RAMP1: variants seen among roughly 807,000 people sequenced by gnomAD.
The protein encoded by RAMP1 is receptor activity modifying protein 1.
RAMP1 carries 7 observed loss-of-function variants against 8.2 expected under a neutral mutation model. That is an observed-to-expected ratio of 0.85 (90% CI 0.49 to 1.60). The LOEUF is 1.60. Ranked by LOEUF, RAMP1 falls within the 40% of genes most tolerant of loss-of-function variation. The pLI is 0.00. For missense variants in RAMP1, 192 were observed against 202.4 expected, an observed-to-expected ratio of 0.95 and a Z score of 0.31; for synonymous variants, 92 against 84.7, an observed-to-expected ratio of 1.09 and a Z score of -0.47.
intron 2 of RAMP1, among the ~76,000 whole-genome samples, chr2:237,893,859 G>A (rs1201941182): frequency 3.3e-5 from 5 of 151,762 alleles, no homozygotes; most frequent in African/African-American, 1.2e-4. Context: ...AATTGCTCTC[G>A]AACCCAGGAG....
In RAMP1 at chr2:237,862,348, G is replaced by T. The variant is rs923574215; in HGVS notation, c.52+2621G>T. 6.6e-6 allele frequency among the ~76,000 whole-genome samples: 1 copy of T among 152,164 alleles called. No homozygotes were observed. The highest frequency in any genetic ancestry group is 2.4e-5 in the African/African-American group (1 of 41,428). On this transcript the variant is annotated intron_variant, in intron 1 of 2. Coordinates refer to ENST00000254661, the MANE Select transcript of RAMP1 (RefSeq NM_005855.4). The surrounding 1 kb of genome is among the most constrained non-coding windows in gnomAD (Gnocchi z 4.0). Reference sequence around the variant, plus strand: ...GTTTACCCTCTCTGTGTGTCTAGCTGCAGGAAGAAATTTCTGGATTTTTGT... The same window carrying T: ...GTTTACCCTCTCTGTGTGTCTAGCTTCAGGAAGAAATTTCTGGATTTTTGT...
intron 2 of RAMP1, among the ~76,000 whole-genome samples, chr2:237,909,335 C>T (rs555408367): frequency 4.6e-5 from 7 of 151,856 alleles, no homozygotes; most frequent in African/African-American, 7.2e-5. Context: ...CGAGCATGAG[C>T]GAGCTCACAC....
intron 1 of RAMP1, among the ~76,000 whole-genome samples, chr2:237,868,934 G>A (rs1379086481): frequency 2.0e-5 from 3 of 152,174 alleles, no homozygotes; most frequent in Non-Finnish European, 4.4e-5. Context: ...CCATGACTTA[G>A]TGTGCATTGC....
rs192172506 is a variant in RAMP1 at position 237,875,485 on chromosome 2, C to T, written c.53-1739C>T. On this transcript the variant is annotated intron_variant, in intron 1 of 2. Coordinates refer to ENST00000254661, the MANE Select transcript of RAMP1 (RefSeq NM_005855.4). ...AATGCTGGGCACTCATGCCAGGGGTCGAGGGTGGGTGACCCACTGGAGTGA... is the reference window on the plus strand; with the variant it reads ...AATGCTGGGCACTCATGCCAGGGGTTGAGGGTGGGTGACCCACTGGAGTGA... Among the ~76,000 whole-genome samples the T allele has an allele frequency of 5.3e-5, 8 of 152,110 alleles. No homozygotes were observed. The East Asian group carries it at 1.6e-3, about 30-fold the overall frequency.
intron 2 of RAMP1, among the ~76,000 whole-genome samples, chr2:237,882,240 C>A (rs372170395): frequency 6.6e-6 from 1 of 152,234 alleles, no homozygotes; most frequent in Non-Finnish European, 1.5e-5. Context: ...CTTTCCCAAA[C>A]CTTCCTCATC....
intron 1 of RAMP1, among the ~76,000 whole-genome samples, chr2:237,875,960 A>G (rs1172100481): frequency 4.6e-5 from 7 of 152,000 alleles, no homozygotes; most frequent in Admixed American, 3.9e-4. Context: ...AGAAGCGGCC[A>G]AGTGCTCTCT....
chr2:237,876,305 C>A (rs1385558922), intron 1 of RAMP1, among the ~76,000 whole-genome samples: 1 of 152,218 alleles, frequency 6.6e-6, no homozygotes, highest in Non-Finnish European at 1.5e-5. Context: ...GATGTCCTCA[C>A]TCATGAGGCC....
chr2:237,900,162 A>G lies in RAMP1; in HGVS notation c.192-11366A>G, dbSNP rs868367474. On this transcript the variant is annotated intron_variant, in intron 2 of 2. Coordinates refer to ENST00000254661, the MANE Select transcript of RAMP1 (RefSeq NM_005855.4). Reference sequence around the variant, plus strand: ...CTTTTCTGTTTTTTGTTTTTTGTTTATTTGTTTGTTTGTTTAGGACAGTGT... The same window carrying G: ...CTTTTCTGTTTTTTGTTTTTTGTTTGTTTGTTTGTTTGTTTAGGACAGTGT... Among the ~76,000 whole-genome samples the G allele has an allele frequency of 6.3e-4, 95 of 151,112 alleles. No individual in the cohort carries two copies. The Middle Eastern group carries it at 0.02, about 32-fold the overall frequency.
At position 237,911,923 on chromosome 2, in the gene RAMP1, G is replaced by C; in HGVS notation, c.*140G>C. On this transcript the variant is annotated 3_prime_UTR_variant, in exon 3 of 3. Coordinates refer to ENST00000254661, the MANE Select transcript of RAMP1 (RefSeq NM_005855.4). Reference sequence around the variant, plus strand: ...TTCCAGCCAAGAAGAGCTCACAGGAGTCCAGAGTAGCCGAGGCTCTGGTAT... The same window carrying C: ...TTCCAGCCAAGAAGAGCTCACAGGACTCCAGAGTAGCCGAGGCTCTGGTAT... 7.5e-7 allele frequency: 1 copy of C among 1,332,318 alleles called. No individual in the cohort carries two copies. Among genetic ancestry groups the C allele is most frequent in the Non-Finnish European group, 1.0e-6 (1 of 1,004,520 alleles). 82.5% of individuals were successfully genotyped at this position (1,332,318 alleles called of 1,614,324 possible).
chr2:237,879,741 A>G (rs559207191), intron 2 of RAMP1, among the ~76,000 whole-genome samples: 3 of 149,392 alleles, frequency 2.0e-5, no homozygotes, highest in African/African-American at 7.3e-5. Context: ...TGTGATCCCA[A>G]CGCTTTGGGA....
intron 2 of RAMP1, among the ~76,000 whole-genome samples, chr2:237,904,677 T>G (rs577518926): frequency 6.6e-6 from 1 of 152,312 alleles, no homozygotes; most frequent in African/African-American, 2.4e-5. Flanking sequence ...TTCTGACAAT[T>G]TAGACACACA....
At chr2:237,859,379 T>A (rs1559931567), upstream of RAMP1, among the ~76,000 whole-genome samples, 1 of 152,042 alleles carries the variant, frequency 6.6e-6, no homozygotes, top group Admixed American at 6.5e-5. Context: ...TTAAAAAGTG[T>A]TTATTTGCTC....
chr2:237,904,808 G>A (rs1007102959), intron 2 of RAMP1, among the ~76,000 whole-genome samples: 4 of 152,162 alleles, frequency 2.6e-5, no homozygotes, highest in Admixed American at 6.5e-5. Flanking sequence ...TTGAACAAGC[G>A]AATGAGGTCT....
chr2:237,887,851 G>A (rs1038193321), intron 2 of RAMP1, among the ~76,000 whole-genome samples: 2 of 152,162 alleles, frequency 1.3e-5, no homozygotes, highest in African/African-American at 2.4e-5. Flanking sequence ...GGATCGCCTC[G>A]GCCCAGGAGG....
intron 2 of RAMP1, among the ~76,000 whole-genome samples, chr2:237,883,045 G>T (rs112052783): frequency 6.6e-6 from 1 of 152,132 alleles, no homozygotes; most frequent in African/African-American, 2.4e-5. Context: ...TGCAGTTGAG[G>T]CTTGGCAGCT....
chr2:237,877,324 CG>C lies in RAMP1; in HGVS notation c.157del (p.Glu53ArgfsTer77). The C allele has an allele frequency of 6.2e-7, 1 of 1,613,890 alleles. No individual in the cohort carries two copies. Among genetic ancestry groups the C allele is most frequent in the Non-Finnish European group, 8.5e-7 (1 of 1,179,958 alleles). ...TQFQVDMEAVGETLWCDWGRT... is the reference protein window; with the variant it reads ...TQFQVDMEAVXETLWCDWGRT... ...AGTTCCAGGTAGACATGGAGGCCGT[CG>C]GGGAGACGCTGTGGTGTGACTGGGG... On this transcript the variant is annotated frameshift_variant, in exon 2 of 3. Transcript: ENST00000254661. LOFTEE classifies it low-confidence loss of function (END_TRUNC). This position sits in a 1 kb window ranked among gnomAD's most constrained non-coding sequence, Gnocchi z 4.4.
intron 2 of RAMP1, among the ~76,000 whole-genome samples, chr2:237,885,283 C>T (rs1027889225): frequency 6.6e-6 from 1 of 152,156 alleles, no homozygotes; most frequent in African/African-American, 2.4e-5. Context: ...CTGCTGAGCT[C>T]GACCCCCACG....
chr2:237,911,816 G>C lies in RAMP1; in HGVS notation c.*33G>C. On this transcript the variant is annotated 3_prime_UTR_variant, in exon 3 of 3. Transcript: ENST00000254661. ...CCAGGCTGCCCGCGGGTGCACCCAG[G>C]CTGCAGGGTGAGGCCAGGCAGGCCT... 1 of 1,561,258 alleles carries C rather than the reference G, an allele frequency of 6.4e-7. No homozygotes were observed. The highest frequency in any genetic ancestry group is 8.7e-7 in the Non-Finnish European group (1 of 1,151,008).
At chr2:237,861,583 C>A (rs552964672) in intron 1 of RAMP1, among the ~76,000 whole-genome samples, 4 of 152,262 alleles carry the variant, frequency 2.6e-5, no homozygotes, top group Non-Finnish European at 5.9e-5. Context: ...CATGGTGACT[C>A]ACGCCTGTAA....
Sources: gnomAD v4.1 joint callset for allele counts (sites outside exome capture counted in the v4.1 genomes callset) on GRCh38, gnomAD v4.1.1 for gene constraint, Gnocchi (gnomAD v3.1) non-coding constraint, MANE v1.5 for transcripts, NCBI Gene and HGNC (gene_info 2026-07-23, HGNC 2026-07-21) for gene names.